The following GPR39 variants were observed in gnomAD, a reference collection of about 807,000 sequenced individuals.
GPR39 encodes zinc sensing receptor.
GPR39 carries 23 observed loss-of-function variants against 18.4 expected under a neutral mutation model. That is an observed-to-expected ratio of 1.25 (90% CI 0.90 to 1.77). The LOEUF (loss-of-function observed/expected upper bound fraction) is 1.77. GPR39 is among the 40% of genes most tolerant of loss of function. The pLI is 0.00. For synonymous variants in GPR39, 280 were observed against 257.9 expected, an observed-to-expected ratio of 1.09 and a Z score of -0.82; for missense variants, 647 against 602.4, an observed-to-expected ratio of 1.07 and a Z score of -0.78.
chr2:132,561,587 C>CACAT (rs147068444), intron 1 of GPR39, among the ~76,000 whole-genome samples: 1 of 87,414 alleles, frequency 1.1e-5, no homozygotes, highest in African/African-American at 4.8e-5. Context: ...TACACACACA[C>CACAT]ACACACACAC....
chr2:132,559,545 G>A (rs114150929), intron 1 of GPR39, among the ~76,000 whole-genome samples: 99 of 152,128 alleles, frequency 6.5e-4, no homozygotes, highest in Non-Finnish European at 1.1e-3. Flanking sequence ...ACAGCGTGGC[G>A]CCCTGATGAA....
At chr2:132,429,249 A>G (rs1680182280) in intron 1 of GPR39, among the ~76,000 whole-genome samples, 1 of 152,224 alleles carries the variant, frequency 6.6e-6, no homozygotes, top group African/African-American at 2.4e-5. Context: ...TTACATGAGC[A>G]GAGGGTGAGT....
intron 1 of GPR39, among the ~76,000 whole-genome samples, chr2:132,623,297 A>G (rs1681478865): frequency 6.6e-6 from 1 of 152,134 alleles, no homozygotes; most frequent in African/African-American, 2.4e-5. Flanking sequence ...TGACTTGCCT[A>G]AAGCCACACA....
intron 1 of GPR39, among the ~76,000 whole-genome samples, chr2:132,422,024 T>C (rs1680019152): frequency 6.6e-6 from 1 of 152,320 alleles, no homozygotes; most frequent in South Asian, 2.1e-4. Context: ...GTTACAAATA[T>C]AAGTTATAGT....
chr2:132,523,113 G>C (rs1424594905), intron 1 of GPR39, among the ~76,000 whole-genome samples: 3 of 152,236 alleles, frequency 2.0e-5, no homozygotes, highest in Admixed American at 2.0e-4. Flanking sequence ...GTAGGTGCTG[G>C]AGGCAGCCTG....
intron 1 of GPR39, among the ~76,000 whole-genome samples, chr2:132,603,115 C>T (rs2104843074): frequency 6.6e-6 from 1 of 151,918 alleles, no homozygotes; most frequent in East Asian, 1.9e-4. Context: ...GTCACAATAG[C>T]CAAGATATAG....
intron 1 of GPR39, among the ~76,000 whole-genome samples, chr2:132,590,971 G>A (rs142292959): frequency 1.4e-4 from 21 of 152,122 alleles, no homozygotes; most frequent in African/African-American, 5.1e-4. Context: ...AGAGGAACAG[G>A]CCGGGCGCGG....
At chr2:132,532,244 G>A (rs1679651903) in intron 1 of GPR39, among the ~76,000 whole-genome samples, 1 of 152,160 alleles carries the variant, frequency 6.6e-6, no homozygotes, top group South Asian at 2.1e-4. Flanking sequence ...AGAAAATCTA[G>A]AAGAAATGGA....
At chr2:132,607,428 A>G (rs1052837412) in intron 1 of GPR39, among the ~76,000 whole-genome samples, 1 of 152,198 alleles carries the variant, frequency 6.6e-6, no homozygotes, top group Admixed American at 6.5e-5. Context: ...TAGGTGGGGT[A>G]GCTCTAGGCT....
intron 1 of GPR39, among the ~76,000 whole-genome samples, chr2:132,560,347 C>T (rs542216147): frequency 6.6e-6 from 1 of 152,270 alleles, no homozygotes; most frequent in East Asian, 1.9e-4. Flanking sequence ...CCCTCCTGTC[C>T]TACAGCCACT....
At chr2:132,433,592 G>A (rs551659544) in intron 1 of GPR39, 1 of 151,616 alleles carries the variant, frequency 6.6e-6, no homozygotes, top group South Asian at 2.1e-4. Context: ...ACAAGAAAAA[G>A]CTGAATTTTG....
At chr2:132,426,212 CTGCTCAG>C (rs1316597589) in intron 1 of GPR39, among the ~76,000 whole-genome samples, 3 of 152,218 alleles carry the variant, frequency 2.0e-5, no homozygotes, top group Non-Finnish European at 4.4e-5. Context: ...TGTTGGTCAC[CTGCTCAG>C]TGCTCAGTGA....
intron 1 of GPR39, among the ~76,000 whole-genome samples, chr2:132,477,430 G>A (rs1277864542): frequency 6.6e-6 from 1 of 152,168 alleles, no homozygotes; most frequent in African/African-American, 2.4e-5. Context: ...GCTGGGCATG[G>A]TAGCGCATGC....
intron 1 of GPR39, among the ~76,000 whole-genome samples, chr2:132,492,926 T>TACACCATATATAC (rs1314763153): frequency 7.0e-6 from 1 of 143,558 alleles, no homozygotes; most frequent in Non-Finnish European, 1.5e-5. Context: ...ACCATATATA[T>TACACCATATATAC]ACACCATATA....
intron 1 of GPR39, among the ~76,000 whole-genome samples, chr2:132,594,130 G>T (rs12616464): frequency 0.43 from 65,145 of 151,824 alleles, 14,604 homozygotes; most frequent in East Asian, 0.64. Context: ...CTTCTGCCTT[G>T]CACTACCTTA....
intron 1 of GPR39, among the ~76,000 whole-genome samples, chr2:132,588,973 T>A (rs1328356224): frequency 1.3e-5 from 2 of 150,624 alleles, no homozygotes; most frequent in East Asian, 4.1e-4. Flanking sequence ...CTGCTCTTGC[T>A]CTGATCTCCC....
At chr2:132,564,670 A>G (rs1225081200) in intron 1 of GPR39, among the ~76,000 whole-genome samples, 1 of 151,856 alleles carries the variant, frequency 6.6e-6, no homozygotes, top group Admixed American at 6.6e-5. Context: ...ATGTAATATC[A>G]CTCTCCACGG....
At chr2:132,602,739 A>T (rs968725624) in intron 1 of GPR39, among the ~76,000 whole-genome samples, 1 of 151,960 alleles carries the variant, frequency 6.6e-6, no homozygotes, top group South Asian at 2.1e-4. Flanking sequence ...TTGAATAGAC[A>T]TTTCTCTAAA....
chr2:132,501,887 G>A (rs1378384762), intron 1 of GPR39, among the ~76,000 whole-genome samples: 1 of 151,980 alleles, frequency 6.6e-6, no homozygotes, highest in African/African-American at 2.4e-5. Flanking sequence ...CTAATATAAG[G>A]ATCACTACTC....
Sources: gnomAD v4.1 joint callset for allele counts (sites outside exome capture counted in the v4.1 genomes callset) on GRCh38, gnomAD v4.1.1 for gene constraint, MANE v1.5 for transcripts, NCBI Gene and HGNC (gene_info 2026-07-23, HGNC 2026-07-21) for gene names.